RIC1: variants seen among roughly 807,000 people sequenced by gnomAD.
RIC1 encodes the protein guanine nucleotide exchange factor subunit RIC1.
A neutral mutation model predicts 169.0 loss-of-function variants in RIC1; 88 were observed. The observed-to-expected ratio is 0.52, with a 90% CI of 0.44 to 0.62. RIC1 has a LOEUF of 0.62. RIC1 is among the 20% of genes least tolerant of loss of function. The probability of loss-of-function intolerance (pLI) is 0.00; values close to 1 mark genes in which losing one functional copy is unlikely to be tolerated. For synonymous variants in RIC1, 790 were observed against 601.5 expected (o/e 1.31, Z -4.59); for missense variants, 1,877 against 1,725.5 (o/e 1.09, Z -1.56).
chr9:5,660,665 C>G (rs1819398487), intron 2 of RIC1, among the ~76,000 whole-genome samples: 1 of 151,340 alleles, frequency 6.6e-6, no homozygotes, highest in African/African-American at 2.4e-5. Context: ...TGAGAAGTGT[C>G]TGTTCATGTC....
chr9:5,637,966 A>G (rs541210009), intron 1 of RIC1, among the ~76,000 whole-genome samples: 106 of 152,324 alleles, frequency 7.0e-4, no homozygotes, highest in African/African-American at 2.5e-3. Context: ...CATACTCAGT[A>G]TGATACTAGC....
chr9:5,707,626 CTT>C lies in RIC1; in HGVS notation c.333-6268_333-6267del, dbSNP rs1193711428. ...CTGTTTGATCATTATAAAAATCCTT[CTT>C]TGTCTCTTGTGATAGTTCCTAAAGT... is the stretch of plus-strand genomic sequence containing the variant. On this transcript the variant is annotated intron_variant, in intron 3 of 25. Transcript: ENST00000414202. Among the ~76,000 whole-genome samples the C allele has an allele frequency of 2.0e-5, 3 of 152,024 alleles. No homozygotes were observed. In the East Asian group the frequency reaches 5.8e-4, roughly 29 times the overall value.
intron 2 of RIC1, among the ~76,000 whole-genome samples, chr9:5,661,824 C>A (rs978669604): frequency 5.9e-5 from 9 of 152,070 alleles, no homozygotes; most frequent in African/African-American, 1.7e-4. Context: ...CCCTTTATTT[C>A]TTTCTCTTGC....
chr9:5,675,253 G>C (rs1306297009), intron 2 of RIC1, among the ~76,000 whole-genome samples: 1 of 152,200 alleles, frequency 6.6e-6, no homozygotes, highest in Non-Finnish European at 1.5e-5. Context: ...CAGGAAATTG[G>C]AATGAGTCAG....
chr9:5,678,907 G>A (rs2130624954), intron 2 of RIC1, among the ~76,000 whole-genome samples: 1 of 152,166 alleles, frequency 6.6e-6, no homozygotes, highest in East Asian at 1.9e-4. Flanking sequence ...TTTTAGACAT[G>A]AAGTCCTTGC....
At chr9:5,652,322 T>C (rs1445284348) in intron 1 of RIC1, among the ~76,000 whole-genome samples, 2 of 152,246 alleles carry the variant, frequency 1.3e-5, no homozygotes, top group African/African-American at 4.8e-5. Flanking sequence ...TTTAACAGTA[T>C]TAATTTTTCC....
At chr9:5,630,750 A>T (rs1054730499) in intron 1 of RIC1, among the ~76,000 whole-genome samples, 4 of 152,212 alleles carry the variant, frequency 2.6e-5, no homozygotes, top group African/African-American at 9.6e-5. Flanking sequence ...ATATATATGT[A>T]TGTATGTGTG....
chr9:5,728,502 A>G (rs2130907870), intron 6 of RIC1, among the ~76,000 whole-genome samples: 1 of 152,340 alleles, frequency 6.6e-6, no homozygotes, highest in Middle Eastern at 3.4e-3. Context: ...GGGTGAGGTG[A>G]TGCCCTGTCC....
chr9:5,655,903 G>C (rs981556876), intron 1 of RIC1, among the ~76,000 whole-genome samples: 6 of 151,966 alleles, frequency 3.9e-5, no homozygotes, highest in Non-Finnish European at 8.8e-5. Flanking sequence ...GTCTCGCTTT[G>C]TCACCTAGGC....
At chr9:5,633,879 T>C (rs1817843392) in intron 1 of RIC1, among the ~76,000 whole-genome samples, 1 of 152,192 alleles carries the variant, frequency 6.6e-6, no homozygotes, top group Non-Finnish European at 1.5e-5. Context: ...ATTTGTACCT[T>C]TGACTGAAAT....
intron 22 of RIC1, 117 bp from the exon 23 acceptor site, chr9:5,769,970 T>C: frequency 1.1e-6 from 1 of 880,890 alleles, no homozygotes; most frequent in Non-Finnish European, 1.7e-6. Context: ...GTAATTGCCT[T>C]TGAACTGTTC....
chr9:5,726,381 CTTTT>C (rs1018095545), intron 6 of RIC1, among the ~76,000 whole-genome samples: 1 of 151,912 alleles, frequency 6.6e-6, no homozygotes, highest in African/African-American at 2.4e-5. Flanking sequence ...GCAACCCCTG[CTTTT>C]TTTTGTTTTC....
chr9:5,686,764 A>G (rs1216293532), intron 2 of RIC1, among the ~76,000 whole-genome samples: 1 of 151,154 alleles, frequency 6.6e-6, no homozygotes, highest in Admixed American at 6.6e-5. Flanking sequence ...GTACCCTAAA[A>G]CTTAAAGTAT....
intron 2 of RIC1, among the ~76,000 whole-genome samples, chr9:5,663,349 A>T (rs1029135603): frequency 6.6e-6 from 1 of 151,966 alleles, no homozygotes; most frequent in Non-Finnish European, 1.5e-5. Flanking sequence ...GGTCCACTTG[A>T]TCTAGAGCTA....
chr9:5,766,497 C>A (rs1031902260), intron 21 of RIC1, among the ~76,000 whole-genome samples: 1 of 152,134 alleles, frequency 6.6e-6, no homozygotes, highest in South Asian at 2.1e-4. Context: ...TCCCTCACCC[C>A]CTCCCAGCCT....
intron 8 of RIC1, among the ~76,000 whole-genome samples, chr9:5,739,191 A>T (rs1824916452): frequency 6.6e-6 from 1 of 152,114 alleles, no homozygotes; most frequent in African/African-American, 2.4e-5. Context: ...GAATCTCCCT[A>T]AGCCTTTGGA....
At chr9:5,717,762 G>A (rs530319737) in intron 4 of RIC1, among the ~76,000 whole-genome samples, 12 of 148,778 alleles carry the variant, frequency 8.1e-5, no homozygotes, top group Middle Eastern at 3.6e-3. Context: ...GGAGAATCCC[G>A]GGAGGCGGAG....
At chr9:5,708,774 G>T (rs1411785233) in intron 3 of RIC1, among the ~76,000 whole-genome samples, 1 of 151,986 alleles carries the variant, frequency 6.6e-6, no homozygotes, top group Non-Finnish European at 1.5e-5. Flanking sequence ...AAGACTCTTG[G>T]CTTTCTCAGA....
intron 2 of RIC1, among the ~76,000 whole-genome samples, chr9:5,673,113 A>T (rs1820207515): frequency 1.3e-5 from 2 of 152,190 alleles, no homozygotes; most frequent in Admixed American, 6.5e-5. Flanking sequence ...ACAAGTTTAG[A>T]CAAGAAAATG....
Sources: gnomAD v4.1 joint callset for allele counts (sites outside exome capture counted in the v4.1 genomes callset) on GRCh38, gnomAD v4.1.1 for gene constraint, MANE v1.5 for transcripts, NCBI Gene and HGNC (gene_info 2026-07-23, HGNC 2026-07-21) for gene names.